Variants in CYP2C8 observed in about 807,000 individuals in gnomAD.
CYP2C8 encodes cytochrome P450 family 2 subfamily C member 8.
In CYP2C8, 51 loss-of-function variants were observed where a neutral mutation model predicts 41.3. The ratio of observed to expected loss-of-function variants is 1.24; its 90% CI spans 0.99 to 1.56. The LOEUF is 1.56. Ranked by LOEUF, CYP2C8 falls within the 40% of genes most tolerant of loss-of-function variation. The pLI, the probability that CYP2C8 is intolerant of heterozygous loss-of-function variation, is 0.00. For synonymous variants in CYP2C8, 218 were observed against 205.8 expected (o/e 1.06, Z -0.51); for missense variants, 651 against 579.9 (o/e 1.12, Z -1.26).
At chr10:95,068,762 C>A in intron 1 of CYP2C8, 1 of 556,346 alleles carries the variant, frequency 1.8e-6, no homozygotes, top group Non-Finnish European at 3.0e-6. Flanking sequence ...CAATGACAGA[C>A]TTAGAAAGAC....
At chr10:95,063,411 T>A (rs1254462526) in intron 4 of CYP2C8, among the ~76,000 whole-genome samples, 2 of 152,276 alleles carry the variant, frequency 1.3e-5, no homozygotes, top group Non-Finnish European at 2.9e-5. Flanking sequence ...ACTGATACCC[T>A]TTCTTCCATT....
In CYP2C8 at chr10:95,067,643, G is replaced by T; in HGVS notation, c.217C>A (p.Pro73Thr). The T allele has an allele frequency of 6.2e-7, 1 of 1,614,164 alleles. No homozygotes were observed. Among genetic ancestry groups the T allele is most frequent in the Admixed American group, 1.7e-5 (1 of 59,998 alleles). The change falls in exon 2 of 9, where the codon CCC becomes ACC. Residue 73 changes from proline (P) to threonine (T), a missense_variant. Physicochemically the swap from Pro to Thr is conservative, Grantham distance 38. Transcript: ENST00000371270. Reference protein sequence around the residue: ...PVFTVYFGMNPIVVFHGYEAV... With the variant: ...PVFTVYFGMNTIVVFHGYEAV... ...TCATATCCATGAAACACCACTATGG[G>T]ATTCATGCCAAAATACACGGTGAAC... is the stretch of plus-strand genomic sequence containing the variant.
intron 3 of CYP2C8, among the ~76,000 whole-genome samples, chr10:95,065,245 AAAG>A (rs1220923850): frequency 6.6e-6 from 1 of 152,214 alleles, no homozygotes; most frequent in Non-Finnish European, 1.5e-5. Flanking sequence ...TTGGAAGGAA[AAAG>A]AAGACTTTTT....
chr10:95,066,121 A>AGT (rs2033556734), intron 3 of CYP2C8, among the ~76,000 whole-genome samples: 2 of 87,196 alleles, frequency 2.3e-5, no homozygotes, highest in Non-Finnish European at 4.4e-5. Context: ...AGCCTTGGTG[A>AGT]GAGAGAGAGA....
rs1379647072 is a variant in CYP2C8 at position 95,043,282 on chromosome 10, A to C, written c.962-205T>G. Among the ~76,000 whole-genome samples the C allele has an allele frequency of 2.0e-5, 3 of 152,268 alleles. No individual in the cohort carries two copies. In the East Asian group the frequency reaches 5.8e-4, roughly 29 times the overall value. ...TCCTACAAACTAGTCATTACAGTGC[A>C]TAAGTACATTTCTATAAATTAGCAT... is the stretch of plus-strand genomic sequence containing the variant. On this transcript the variant is annotated intron_variant, in intron 6 of 8. Transcript: ENST00000371270.
rs775213305 is a variant in CYP2C8 at position 95,043,128 on chromosome 10, T to C, written c.962-51A>G. ...TGGAAACGAAGATATATGGAACATTTGTCATAGCAATTCATGGCCACATTA... is the reference window on the plus strand; with the variant it reads ...TGGAAACGAAGATATATGGAACATTCGTCATAGCAATTCATGGCCACATTA... On this transcript the variant is annotated intron_variant, in intron 6 of 8. Coordinates refer to ENST00000371270, the MANE Select transcript of CYP2C8 (RefSeq NM_000770.3). 1.9e-5 allele frequency: 29 copies of C among 1,553,650 alleles called. No homozygotes were observed. The Admixed American group carries it at 4.8e-4, about 26-fold the overall frequency.
chr10:95,059,796 G>C (rs1185010917), intron 4 of CYP2C8, among the ~76,000 whole-genome samples: 2 of 152,024 alleles, frequency 1.3e-5, no homozygotes, highest in African/African-American at 2.4e-5. Context: ...TTAAGTCTTT[G>C]ATCCATCTTG....
chr10:95,061,390 A>G (rs970839590), intron 4 of CYP2C8, among the ~76,000 whole-genome samples: 43 of 152,136 alleles, frequency 2.8e-4, no homozygotes, highest in African/African-American at 9.7e-4. Flanking sequence ...GTGTGGAGAA[A>G]TTTATCCATT....
chr10:95,062,471 T>C (rs1291552563), intron 4 of CYP2C8, among the ~76,000 whole-genome samples: 1 of 152,176 alleles, frequency 6.6e-6, no homozygotes, highest in East Asian at 1.9e-4. Flanking sequence ...ACCCCTGCCT[T>C]TTTTTGTTTT....
intron 4 of CYP2C8, 107 bp from the exon 5 acceptor site, chr10:95,058,618 C>G: frequency 9.6e-7 from 1 of 1,038,168 alleles, no homozygotes; most frequent in South Asian, 1.6e-5. Flanking sequence ...ACATCATGTC[C>G]ATTTTGAAGG....
At chr10:95,061,241 A>G (rs1010019709) in intron 4 of CYP2C8, among the ~76,000 whole-genome samples, 9 of 152,198 alleles carry the variant, frequency 5.9e-5, no homozygotes, top group African/African-American at 2.2e-4. Context: ...TGTACCTCTG[A>G]TAGAATTTGG....
intron 4 of CYP2C8, among the ~76,000 whole-genome samples, chr10:95,060,001 A>G (rs961085607): frequency 1.3e-5 from 2 of 152,114 alleles, no homozygotes; most frequent in Admixed American, 6.5e-5. Flanking sequence ...CCATTGGTCT[A>G]TATCTCTGTT....
chr10:95,058,861 T>C (rs1171589942), intron 4 of CYP2C8, among the ~76,000 whole-genome samples: 1 of 152,154 alleles, frequency 6.6e-6, no homozygotes, highest in African/African-American at 2.4e-5. Flanking sequence ...TTCTCATTGT[T>C]CAATTCCCAC....
intron 5 of CYP2C8, among the ~76,000 whole-genome samples, chr10:95,057,492 A>C (rs1057511469): frequency 6.6e-6 from 1 of 152,170 alleles, no homozygotes; most frequent in Non-Finnish European, 1.5e-5. Context: ...AATGAACACA[A>C]AAAAGCCCAA....
At chr10:95,046,767 AAG>A (rs2033117299) in intron 5 of CYP2C8, among the ~76,000 whole-genome samples, 1 of 150,506 alleles carries the variant, frequency 6.6e-6, no homozygotes, top group South Asian at 2.1e-4. Flanking sequence ...AAAAAAAAAA[AAG>A]AAGGCACTTG....
Position 95,045,720 on chromosome 10 carries a change from C to T in CYP2C8, c.961+90G>A, listed in dbSNP as rs552220891. 7.4e-6 allele frequency: 11 copies of T among 1,492,822 alleles called. No individual in the cohort carries two copies. The East Asian group carries it at 2.0e-4, about 28-fold the overall frequency. 92.5% of individuals were successfully genotyped at this position (1,492,822 alleles called of 1,614,324 possible). ...ATGACACAGAAATTTAAAGAATGAGCCTTCTCTGAGAGAAACAAGGTGGAG... is the reference window on the plus strand; with the variant it reads ...ATGACACAGAAATTTAAAGAATGAGTCTTCTCTGAGAGAAACAAGGTGGAG... On this transcript the variant is annotated intron_variant, in intron 6 of 8. Coordinates refer to ENST00000371270, the MANE Select transcript of CYP2C8 (RefSeq NM_000770.3).
intron 5 of CYP2C8, among the ~76,000 whole-genome samples, chr10:95,050,541 C>T (rs1412950783): frequency 4.6e-5 from 7 of 152,158 alleles, no homozygotes; most frequent in Non-Finnish European, 1.0e-4. Flanking sequence ...TTGTGTCATT[C>T]CATCCCCAGT....
chr10:95,038,931 A>T lies in CYP2C8; in HGVS notation c.1257T>A (p.Phe419Leu). Residue 419 changes from phenylalanine (F) to leucine (L), a missense_variant, in exon 8 of 9, where the codon TTT becomes TTA. Physicochemically the swap from Phe to Leu is conservative, Grantham distance 22. Coordinates refer to ENST00000371270, the MANE Select transcript of CYP2C8 (RefSeq NM_000770.3). ...AAGGCATGAAGTAGTCACTTTTCTT[A>T]AAGTTGCCATTCTTATCTAGAAAGT... The part of the protein sequence containing the change: ...PGHFLDKNGN[F>L]KKSDYFMPFS... 16 of 1,614,010 alleles carry T rather than the reference A, an allele frequency of 9.9e-6. No homozygotes were observed. Among genetic ancestry groups the T allele is most frequent in the Non-Finnish European group, 1.4e-5 (16 of 1,179,836 alleles).
chr10:95,058,479 A>G lies in CYP2C8; in HGVS notation c.675T>C (p.Cys225=). 1 of 1,613,164 alleles carries G rather than the reference A, an allele frequency of 6.2e-7. No homozygotes were observed. Among genetic ancestry groups the G allele is most frequent in the Non-Finnish European group, 8.5e-7 (1 of 1,179,512 alleles). The change falls in exon 5 of 9, where the codon TGT becomes TGC. Residue 225 remains cysteine, a synonymous_variant. Transcript: ENST00000371270. The part of the protein sequence containing the change: ...VCNNFPLLID[C]FPGTHNKVLK... ...GCACTTTGTTGTGAGTTCCTGGGAA[A>G]CAATCAATGAGTAGAGGGAAATTAT...
Sources: gnomAD v4.1 joint callset for allele counts (sites outside exome capture counted in the v4.1 genomes callset) on GRCh38, gnomAD v4.1.1 for gene constraint, MANE v1.5 for transcripts, NCBI Gene and HGNC (gene_info 2026-07-23, HGNC 2026-07-21) for gene names.